The following PCDHA1 variants were observed in gnomAD, a reference collection of about 807,000 sequenced individuals.
PCDHA1 encodes the protein protocadherin alpha 1, also known as protocadherin alpha-1.
PCDHA1 carries 42 observed loss-of-function variants against 61.3 expected under a neutral mutation model. The observed-to-expected ratio is 0.69, with a 90% CI of 0.54 to 0.89. PCDHA1 has a LOEUF of 0.89. PCDHA1 is among the 40% of genes least tolerant of loss of function. PCDHA1 has a pLI of 0.00. For missense variants in PCDHA1, 1,256 were observed against 1,235.3 expected (o/e 1.02, Z -0.25); for synonymous variants, 610 against 553.8 (o/e 1.10, Z -1.43).
intron 3 of PCDHA1, among the ~76,000 whole-genome samples, chr5:140,993,767 G>A (rs115607244): frequency 3.3e-5 from 5 of 152,010 alleles, no homozygotes; most frequent in Non-Finnish European, 7.4e-5. Context: ...TTACAATTGC[G>A]CAGTATTTTG....
chr5:140,842,944 C>A (rs1165034372), intron 1 of PCDHA1: 1 of 1,594,432 alleles, frequency 6.3e-7, no homozygotes, highest in African/African-American at 1.3e-5. Flanking sequence ...GCGACGCGGG[C>A]GTGCCGCCTC....
intron 3 of PCDHA1, among the ~76,000 whole-genome samples, chr5:140,991,311 G>A (rs1036350235): frequency 3.3e-5 from 5 of 152,108 alleles, no homozygotes; most frequent in Admixed American, 2.0e-4. Context: ...ATCTTGTCCC[G>A]CATGATACAT....
intron 1 of PCDHA1, chr5:140,857,128 AGAT>A: frequency 6.3e-7 from 1 of 1,598,286 alleles, no homozygotes; most frequent in South Asian, 1.1e-5. Flanking sequence ...CAGTGAAAGA[AGAT>A]GCTCAAGTGG....
At chr5:140,925,420 G>C (rs1332055982) in intron 1 of PCDHA1, among the ~76,000 whole-genome samples, 2 of 152,102 alleles carry the variant, frequency 1.3e-5, no homozygotes, top group Non-Finnish European at 2.9e-5. Flanking sequence ...AAAGGAACTG[G>C]TTGTAGGGTG....
At chr5:140,828,657 A>C in intron 1 of PCDHA1, 1 of 1,614,208 alleles carries the variant, frequency 6.2e-7, no homozygotes, top group Non-Finnish European at 8.5e-7. Context: ...AGTGATGACA[A>C]TAAACAAATT....
intron 1 of PCDHA1, chr5:140,797,125 C>T: frequency 1.9e-6 from 3 of 1,614,012 alleles, no homozygotes; most frequent in Non-Finnish European, 2.5e-6. Flanking sequence ...GTACACTGCG[C>T]TGCGGTGCTC....
rs190108115 is a variant in PCDHA1 at position 140,795,571 on chromosome 5, G to A, written c.2394+6887G>A. 995 of 1,614,212 alleles carry A rather than the reference G, an allele frequency of 6.2e-4. 10 individuals are homozygous for A. Among genetic ancestry groups the A allele is most frequent in the Non-Finnish European group, 5.5e-5 (65 of 1,180,034 alleles). The stretch of plus-strand genomic sequence containing the variant: ...CGTGCTGGGGAAATCGCTGGACAGA[G>A]AGGAAACTGCTGAGGTTAATTTGTT... On this transcript the variant is annotated intron_variant, in intron 1 of 3. Coordinates refer to ENST00000504120, the MANE Select transcript of PCDHA1 (RefSeq NM_018900.4).
intron 1 of PCDHA1, among the ~76,000 whole-genome samples, chr5:140,945,495 C>A (rs1585197828): frequency 6.6e-6 from 1 of 152,022 alleles, no homozygotes; most frequent in East Asian, 1.9e-4. Context: ...ATACCCAAAG[C>A]AATATTGAGC....
intron 1 of PCDHA1, among the ~76,000 whole-genome samples, chr5:140,953,230 A>G (rs782703084): frequency 2.0e-5 from 3 of 152,180 alleles, no homozygotes; most frequent in Non-Finnish European, 4.4e-5. Context: ...TCTGCTTGGT[A>G]GCAGTTCAAA....
At chr5:140,841,586 C>A (rs1327577851) in intron 1 of PCDHA1, 4 of 1,614,026 alleles carry the variant, frequency 2.5e-6, no homozygotes, top group East Asian at 4.5e-5. Flanking sequence ...TGTGAATTCT[C>A]GGATCGACCG....
chr5:140,807,858 G>A, intron 1 of PCDHA1: 1 of 1,614,144 alleles, frequency 6.2e-7, no homozygotes, highest in South Asian at 1.1e-5. Flanking sequence ...GAGTTGACTG[G>A]CACCGTTCAG....
In PCDHA1 at chr5:140,787,000, A is replaced by G. The variant is rs946659503; in HGVS notation, c.710A>G (p.Asp237Gly). Reference sequence around the variant, plus strand: ...CTGATCACCGTCCTCGACGTTAATGATAACGCCCCACTGTTTGACCAGGCC... The same window carrying G: ...CTGATCACCGTCCTCGACGTTAATGGTAACGCCCCACTGTTTGACCAGGCC... The part of the protein sequence containing the change: ...ELLITVLDVN[D>G]NAPLFDQAVY... The change falls in exon 1 of 4, where the codon GAT becomes GGT. Residue 237 changes from aspartate (D) to glycine (G), a missense_variant. Physicochemically the swap from Asp to Gly is moderately conservative, Grantham distance 94 (BLOSUM62 -1). Transcript: ENST00000504120. 2 of 1,614,168 alleles carry G rather than the reference A, an allele frequency of 1.2e-6. No individual in the cohort carries two copies. Among genetic ancestry groups the G allele is most frequent in the East Asian group, 2.2e-5 (1 of 44,882 alleles).
chr5:140,870,242 T>A (rs1554163936), intron 1 of PCDHA1: 1 of 1,614,142 alleles, frequency 6.2e-7, no homozygotes, highest in East Asian at 2.2e-5. Flanking sequence ...GACTCAGGTG[T>A]CAACGGACAG....
intron 1 of PCDHA1, among the ~76,000 whole-genome samples, chr5:140,918,972 A>G (rs782748846): frequency 6.6e-5 from 10 of 152,184 alleles, no homozygotes; most frequent in Non-Finnish European, 1.3e-4. Flanking sequence ...GATATCGTTT[A>G]GGTTAGTTGG....
intron 1 of PCDHA1, chr5:140,856,747 T>C (rs2044175443): frequency 2.5e-6 from 4 of 1,596,640 alleles, no homozygotes; most frequent in Non-Finnish European, 3.4e-6. Context: ...TGGTGTTAGA[T>C]GCCAATGATA....
chr5:140,858,776 C>T, intron 1 of PCDHA1: 1 of 420,692 alleles, frequency 2.4e-6, no homozygotes, highest in Non-Finnish European at 4.3e-6. Flanking sequence ...GAGATTAGTA[C>T]TTCATGTTAT....
At chr5:140,829,500 C>T (rs2150168972) in intron 1 of PCDHA1, 8 of 1,613,600 alleles carry the variant, frequency 5.0e-6, no homozygotes, top group South Asian at 4.4e-5. Context: ...AACAACCCGC[C>T]GGGCTGCCAC....
intron 1 of PCDHA1, chr5:140,857,549 C>G (rs1554150197): frequency 6.3e-7 from 1 of 1,596,826 alleles, no homozygotes; most frequent in Admixed American, 1.7e-5. Flanking sequence ...GTTGGGCGAG[C>G]GCTCGCTGTC....
intron 1 of PCDHA1, 159 bp from the exon 2 acceptor site, chr5:140,978,790 T>C (rs2096823347): frequency 3.1e-6 from 3 of 975,976 alleles, no homozygotes; most frequent in Non-Finnish European, 3.7e-6. Flanking sequence ...TAAAGTGCTA[T>C]ATATGTAGAT....
Sources: allele counts gnomAD v4.1 joint callset (sites outside exome capture counted in the v4.1 genomes callset), GRCh38; gene constraint gnomAD v4.1.1; transcripts MANE v1.5; gene names NCBI Gene and HGNC (gene_info 2026-07-23, HGNC 2026-07-21).